Variants in DACH2 observed in about 807,000 individuals in gnomAD.
The protein encoded by DACH2 is dachshund homolog 2.
In DACH2, 17 loss-of-function variants were observed where a neutral mutation model predicts 35.8. The ratio of observed to expected loss-of-function variants is 0.48; its 90% confidence interval spans 0.33 to 0.71. The LOEUF is 0.71. Among genes scored for constraint, DACH2 ranks in the 30% least tolerant of loss-of-function variants. DACH2 has a pLI of 0.02. For missense variants in DACH2, 469 were observed against 472.7 expected (o/e 0.99, Z 0.07); for synonymous variants, 195 against 177.3 (o/e 1.10, Z -0.79).
chrX:86,379,281 G>A (rs2036012119), intron 2 of DACH2, among the ~76,000 whole-genome samples: 1 of 110,927 alleles, frequency 9.0e-6, no homozygotes, highest in Non-Finnish European at 1.9e-5. Flanking sequence ...ATAGGCATTG[G>A]CAAAGATAAA....
At chrX:86,542,687 G>A (rs764083178) in intron 3 of DACH2, among the ~76,000 whole-genome samples, 1 of 111,906 alleles carries the variant, frequency 8.9e-6, no homozygotes, top group East Asian at 2.8e-4. Flanking sequence ...GATTTATCTT[G>A]ACATTAAAAT....
At chrX:86,743,142 TA>T (rs1340165801) in intron 7 of DACH2, among the ~76,000 whole-genome samples, 12 of 111,578 alleles carry the variant, frequency 1.1e-4, no homozygotes, top group African/African-American at 3.9e-4. Context: ...AAAGTTATTT[TA>T]AAAATATGTG....
intron 3 of DACH2, among the ~76,000 whole-genome samples, chrX:86,650,252 AG>A (rs2148405924): frequency 9.4e-6 from 1 of 105,895 alleles, no homozygotes; most frequent in Non-Finnish European, 2.0e-5. Flanking sequence ...TTAATACAAA[AG>A]ATTATAACTA....
At chrX:86,620,608 A>G (rs979118063) in intron 3 of DACH2, among the ~76,000 whole-genome samples, 1 of 111,196 alleles carries the variant, frequency 9.0e-6, no homozygotes, top group African/African-American at 3.3e-5. Flanking sequence ...TGAGCCTTCT[A>G]TCCTTAGGAC....
At chrX:86,330,645 G>A (rs1454781457) in intron 1 of DACH2, among the ~76,000 whole-genome samples, 6 of 111,757 alleles carry the variant, frequency 5.4e-5, no homozygotes, top group South Asian at 3.7e-4. Flanking sequence ...CTTAATGGTA[G>A]TATATAATTA....
chrX:86,748,704 A>C (rs1262373000), intron 7 of DACH2, among the ~76,000 whole-genome samples: 1 of 111,650 alleles, frequency 9.0e-6, no homozygotes, highest in Non-Finnish European at 1.9e-5. Flanking sequence ...GAAAATGTGC[A>C]TTGGCTTGAA....
intron 3 of DACH2, among the ~76,000 whole-genome samples, chrX:86,633,169 G>A (rs2040222268): frequency 9.0e-6 from 1 of 110,712 alleles, no homozygotes; most frequent in Admixed American, 9.6e-5. Context: ...GAAATGAAAT[G>A]TTGGTTATTT....
chrX:86,252,499 G>A lies in DACH2; in HGVS notation c.488+103391G>A, dbSNP rs778113777. ...AGGTCTTAAATTTAAGTTCTTGATC[G>A]ATCTTGAGTTGGTTTTTGTGTAAGT... On this transcript the variant is annotated intron_variant, in intron 1 of 11. Coordinates refer to ENST00000373125, the MANE Select transcript of DACH2 (RefSeq NM_053281.3). 3.6e-5 allele frequency among the ~76,000 whole-genome samples: 4 copies of A among 110,782 alleles called. No homozygotes were observed. In the South Asian group the frequency reaches 1.5e-3, roughly 42 times the overall value.
At chrX:86,687,173 T>C (rs1374539605) in intron 4 of DACH2, among the ~76,000 whole-genome samples, 2 of 111,943 alleles carry the variant, frequency 1.8e-5, no homozygotes, top group Admixed American at 1.9e-4. Flanking sequence ...CTCCTGATCT[T>C]TTTGGATCAT....
intron 1 of DACH2, among the ~76,000 whole-genome samples, chrX:86,325,495 A>G (rs1296395932): frequency 2.7e-5 from 3 of 112,500 alleles, no homozygotes; most frequent in Admixed American, 9.4e-5. Context: ...TGAGGATTGA[A>G]TTAAGTTTTG....
At chrX:86,240,293 C>A (rs1370877082) in intron 1 of DACH2, among the ~76,000 whole-genome samples, 1 of 110,579 alleles carries the variant, frequency 9.0e-6, no homozygotes, top group African/African-American at 3.3e-5. Flanking sequence ...GGTGGATCAG[C>A]AAGTAGAATC....
At chrX:86,678,464 TAC>T (rs2040844683) in intron 4 of DACH2, among the ~76,000 whole-genome samples, 1 of 112,393 alleles carries the variant, frequency 8.9e-6, no homozygotes, top group Non-Finnish European at 1.9e-5. Context: ...TTACAATTAC[TAC>T]AGTTTTCACT....
chrX:86,722,072 A>G (rs1246370764), intron 6 of DACH2, among the ~76,000 whole-genome samples: 3 of 112,065 alleles, frequency 2.7e-5, no homozygotes, highest in Admixed American at 1.9e-4. Flanking sequence ...CTCCAGTACT[A>G]TGTTGAATCA....
intron 7 of DACH2, among the ~76,000 whole-genome samples, chrX:86,774,027 C>T (rs2042009319): frequency 9.0e-6 from 1 of 111,391 alleles, no homozygotes; most frequent in Non-Finnish European, 1.9e-5. Context: ...GGTGGTTGTA[C>T]TAATTTACAT....
intron 1 of DACH2, among the ~76,000 whole-genome samples, chrX:86,192,561 C>G (rs1485613520): frequency 3.6e-5 from 4 of 111,793 alleles, no homozygotes; most frequent in Non-Finnish European, 5.6e-5. Flanking sequence ...TGAAAAAGAT[C>G]CAGTCTTCCT....
intron 3 of DACH2, among the ~76,000 whole-genome samples, chrX:86,599,788 G>A (rs1362378624): frequency 1.8e-5 from 2 of 110,589 alleles, no homozygotes; most frequent in Admixed American, 2.0e-4. Flanking sequence ...GAGCCACCAT[G>A]CCCAGCCAGA....
At chrX:86,200,557 A>G (rs1462300075) in intron 1 of DACH2, among the ~76,000 whole-genome samples, 1 of 108,275 alleles carries the variant, frequency 9.2e-6, no homozygotes, top group Non-Finnish European at 1.9e-5. Flanking sequence ...CACAGGGTCT[A>G]CAAGGAACTT....
intron 3 of DACH2, among the ~76,000 whole-genome samples, chrX:86,556,941 C>T (rs913934051): frequency 3.8e-4 from 40 of 106,052 alleles, no homozygotes; most frequent in African/African-American, 1.4e-3. Context: ...TAATTCAGTC[C>T]GAGTGTGAAG....
intron 6 of DACH2, among the ~76,000 whole-genome samples, chrX:86,734,336 A>G (rs1373058967): frequency 9.0e-6 from 1 of 110,828 alleles, no homozygotes; most frequent in African/African-American, 3.3e-5. Context: ...TTCGGGATTG[A>G]AATTATGCCT....
Sources: allele counts gnomAD v4.1 joint callset (sites outside exome capture counted in the v4.1 genomes callset), GRCh38; gene constraint gnomAD v4.1.1; transcripts MANE v1.5; gene names NCBI Gene and HGNC (gene_info 2026-07-23, HGNC 2026-07-21).